CFAP36: variants seen among roughly 807,000 people sequenced by gnomAD.
CFAP36 encodes the protein cilia- and flagella-associated protein 36.
In CFAP36, 37 loss-of-function variants were observed where a neutral mutation model predicts 50.5. The ratio of observed to expected loss-of-function variants is 0.73; its 90% CI spans 0.56 to 0.96. The LOEUF (loss-of-function observed/expected upper bound fraction) is 0.96, where lower values mean the gene tolerates loss of function less well. Ranked by LOEUF, CFAP36 falls within the 50% of genes least tolerant of loss-of-function variation. The probability of loss-of-function intolerance (pLI) is 0.00; values close to 1 mark genes in which losing one functional copy is unlikely to be tolerated. For missense variants in CFAP36, 407 were observed against 396.2 expected, an observed-to-expected ratio of 1.03 and a Z score of -0.23; for synonymous variants, 138 against 128.2, an observed-to-expected ratio of 1.08 and a Z score of -0.52.
chr2:55,540,966 T>C (rs1042474663), intron 7 of CFAP36, among the ~76,000 whole-genome samples: 2 of 151,650 alleles, frequency 1.3e-5, no homozygotes, highest in Non-Finnish European at 2.9e-5. Flanking sequence ...TGAGTTGAGA[T>C]TGCATCACTG....
Position 55,544,053 on chromosome 2 carries a change from G to T in CFAP36, c.756G>T (p.Ala252=), listed in dbSNP as rs557427363. 3 of 1,613,802 alleles carry T rather than the reference G, an allele frequency of 1.9e-6. No individual in the cohort carries two copies. Among genetic ancestry groups the T allele is most frequent in the Non-Finnish European group, 2.5e-6 (3 of 1,179,938 alleles). ...TGAAGATTCCTGGCTTAGAGCATGC[G>T]AGCATTGAAGGACCAATAGCAGTAA... is the stretch of plus-strand genomic sequence containing the variant. ...KDLKIPGLEH[A]SIEGPIANLS... is the part of the protein sequence containing the mutation. Residue 252 remains alanine, a synonymous_variant, in exon 8 of 10, where the codon GCG becomes GCT. Coordinates refer to ENST00000349456, the MANE Select transcript of CFAP36 (RefSeq NM_080667.7).
At chr2:55,543,798 AG>A in intron 7 of CFAP36, 139 bp from the exon 8 acceptor site, 1 of 808,704 alleles carries the variant, frequency 1.2e-6, no homozygotes, top group Non-Finnish European at 2.0e-6. Flanking sequence ...GGCACAGTAT[AG>A]GCACTGAATA....
intron 7 of CFAP36, 29 bp downstream of exon 7, chr2:55,537,614 T>G: frequency 2.2e-6 from 3 of 1,345,204 alleles, no homozygotes; most frequent in Non-Finnish European, 3.1e-6. Flanking sequence ...GAACTTTCTC[T>G]AATAATATGA....
chr2:55,529,449 T>A (rs960835084), intron 4 of CFAP36, among the ~76,000 whole-genome samples: 1 of 151,874 alleles, frequency 6.6e-6, no homozygotes, highest in South Asian at 2.1e-4. Flanking sequence ...ATAAACTTCC[T>A]GATTTGTATT....
At chr2:55,541,583 ATTCAT>A (rs1211609034) in intron 7 of CFAP36, among the ~76,000 whole-genome samples, 1 of 152,180 alleles carries the variant, frequency 6.6e-6, no homozygotes, top group African/African-American at 2.4e-5. Context: ...CTATATAATT[ATTCAT>A]TTCAGTTTTT....
intron 2 of CFAP36, among the ~76,000 whole-genome samples, chr2:55,522,530 G>A (rs1297954903): frequency 6.6e-6 from 1 of 152,094 alleles, no homozygotes; most frequent in East Asian, 1.9e-4. Flanking sequence ...TGTCACCCAG[G>A]CTGGAGTGCA....
chr2:55,533,694 C>G (rs1361768113), intron 4 of CFAP36, among the ~76,000 whole-genome samples, 179 bp from the exon 5 acceptor site: 52 of 140,008 alleles, frequency 3.7e-4, no homozygotes, highest in African/African-American at 1.2e-3. Context: ...GACTCTGTCT[C>G]AAAAAAAAAA....
intron 5 of CFAP36, 149 bp downstream of exon 5, chr2:55,534,109 A>T (rs1458924310): frequency 2.0e-6 from 1 of 499,010 alleles, no homozygotes; most frequent in Non-Finnish European, 3.6e-6. Flanking sequence ...ATGACTGTGG[A>T]TATATTTCTT....
intron 3 of CFAP36, among the ~76,000 whole-genome samples, chr2:55,524,065 C>T (rs976962531): frequency 5.9e-5 from 9 of 152,170 alleles, no homozygotes; most frequent in African/African-American, 2.2e-4. Flanking sequence ...AATAAGATCA[C>T]AGGGTTTATA....
At chr2:55,531,719 C>T (rs1684355910) in intron 4 of CFAP36, among the ~76,000 whole-genome samples, 1 of 152,198 alleles carries the variant, frequency 6.6e-6, no homozygotes, top group South Asian at 2.1e-4. Context: ...GGAAACCCTC[C>T]AGTTTTTCCC....
intron 2 of CFAP36, among the ~76,000 whole-genome samples, chr2:55,522,468 A>G (rs186528315): frequency 6.6e-6 from 1 of 152,012 alleles, no homozygotes; most frequent in South Asian, 2.1e-4. Context: ...TCACTTCGTC[A>G]TGGTTGTCAT....
intron 7 of CFAP36, chr2:55,538,841 C>G: frequency 6.5e-7 from 1 of 1,531,936 alleles, no homozygotes; most frequent in Non-Finnish European, 8.8e-7. Context: ...CCTTGGTCTT[C>G]TGACACTAAA....
intron 8 of CFAP36, 68 bp downstream of exon 8, chr2:55,544,142 T>C (rs562437727): frequency 5.6e-6 from 9 of 1,608,514 alleles, no homozygotes; most frequent in East Asian, 2.2e-5. Flanking sequence ...AAACTTCGAA[T>C]TGAATCACTC....
chr2:55,531,557 C>T (rs72803513), intron 4 of CFAP36, among the ~76,000 whole-genome samples: 5,539 of 152,162 alleles, frequency 0.036, 146 homozygotes, highest in South Asian at 0.089. Flanking sequence ...TCAAGGACCC[C>T]GACACTTTGC....
rs187897305 is a variant in CFAP36 at position 55,536,377 on chromosome 2, C to T, written c.537+614C>T. 3.3e-5 allele frequency among the ~76,000 whole-genome samples: 5 copies of T among 152,126 alleles called. No individual in the cohort carries two copies. In the East Asian group the frequency reaches 7.7e-4, roughly 24 times the overall value. On this transcript the variant is annotated intron_variant, in intron 6 of 9. Coordinates refer to ENST00000349456, the MANE Select transcript of CFAP36 (RefSeq NM_080667.7). ...TAAACTCCTGACCTCGTGATCTGCC[C>T]GCCTCGGCCTCCCAAAGTGCTGGGA... is the stretch of plus-strand genomic sequence containing the variant.
rs781366585 is a variant in CFAP36 at position 55,519,783 on chromosome 2, G to T, written c.-19G>T. ...GCGGTCTGGCCTAGGGATCTTCCCC[G>T]TTGCCCCTTTGGGGCGGGATGGCTG... On this transcript the variant is annotated 5_prime_UTR_variant, in exon 1 of 10. Transcript: ENST00000349456. 6 of 1,612,306 alleles carry T rather than the reference G, an allele frequency of 3.7e-6. No homozygotes were observed. In the Admixed American group the frequency reaches 6.7e-5, roughly 18 times the overall value.
chr2:55,544,647 C>G (rs1044967058), intron 9 of CFAP36, among the ~76,000 whole-genome samples: 1 of 152,108 alleles, frequency 6.6e-6, no homozygotes, highest in Non-Finnish European at 1.5e-5. Context: ...TCTGTTTCAC[C>G]TGGGCATTCT....
chr2:55,524,734 T>G (rs938273424), intron 3 of CFAP36, among the ~76,000 whole-genome samples: 1 of 151,598 alleles, frequency 6.6e-6, no homozygotes, highest in African/African-American at 2.4e-5. Context: ...GTAATCCCAG[T>G]ACTTTGGGAG....
chr2:55,530,064 C>T (rs1250683904), intron 4 of CFAP36, among the ~76,000 whole-genome samples: 3 of 152,150 alleles, frequency 2.0e-5, no homozygotes, highest in Non-Finnish European at 4.4e-5. Flanking sequence ...GCTGTGTCCC[C>T]ACCCAAATCT....
Sources: gnomAD v4.1 joint callset for allele counts (sites outside exome capture counted in the v4.1 genomes callset) on GRCh38, gnomAD v4.1.1 for gene constraint, MANE v1.5 for transcripts, NCBI Gene and HGNC (gene_info 2026-07-23, HGNC 2026-07-21) for gene names.